FGF14: variants seen among roughly 807,000 people sequenced by gnomAD.
FGF14 encodes the protein fibroblast growth factor 14.
In FGF14, 5 loss-of-function variants were observed where a neutral mutation model predicts 25.5. The ratio of observed to expected loss-of-function variants is 0.20; its 90% CI spans 0.10 to 0.41. The LOEUF (loss-of-function observed/expected upper bound fraction) is 0.41. Among genes scored for constraint, FGF14 ranks in the 10% least tolerant of loss-of-function variants. FGF14 has a pLI of 1.00. For missense variants in FGF14, 222 were observed against 320.1 expected, an observed-to-expected ratio of 0.69 and a Z score of 2.34; for synonymous variants, 138 against 118.3, an observed-to-expected ratio of 1.17 and a Z score of -1.08.
chr13:101,731,499 C>G (rs1275630707), intron 3 of FGF14, among the ~76,000 whole-genome samples: 2 of 152,104 alleles, frequency 1.3e-5, no homozygotes, highest in East Asian at 3.9e-4. Flanking sequence ...AATGTTATAT[C>G]TTTTTTATGT....
intron 1 of FGF14, among the ~76,000 whole-genome samples, chr13:102,336,586 C>G (rs1577693): frequency 0.76 from 115,017 of 152,166 alleles, 44,537 homozygotes; most frequent in African/African-American, 0.93. Context: ...CATTGATGAA[C>G]GTGTCTACAC....
intron 1 of FGF14, among the ~76,000 whole-genome samples, chr13:102,123,664 A>G (rs1725955290): frequency 6.6e-6 from 1 of 152,080 alleles, no homozygotes; most frequent in African/African-American, 2.4e-5. Flanking sequence ...ATTGCTCTAC[A>G]TCTTCAAAGT....
At chr13:101,729,570 TAAAA>T (rs2035671303) in intron 3 of FGF14, among the ~76,000 whole-genome samples, 1 of 152,154 alleles carries the variant, frequency 6.6e-6, no homozygotes, top group South Asian at 2.1e-4. Flanking sequence ...TCCTCATCTC[TAAAA>T]TGAGGACAAA....
At chr13:101,973,119 C>CATTTTTTTTTTTTTTTTTTTTTTTTTT in intron 1 of FGF14, among the ~76,000 whole-genome samples, 1 of 127,508 alleles carries the variant, frequency 7.8e-6, no homozygotes, top group Non-Finnish European at 1.7e-5. Flanking sequence ...AAGTGTGCTT[C>CATTTTTTTTTTTTTTTTTTTTTTTTTT]TTTTTTTTTT....
intron 1 of FGF14, among the ~76,000 whole-genome samples, chr13:102,158,341 TA>T (rs2047447603): frequency 6.6e-6 from 1 of 152,098 alleles, no homozygotes; most frequent in Non-Finnish European, 1.5e-5. Context: ...TATGCAGCCA[TA>T]AAAAATGATG....
chr13:102,058,681 A>T (rs1416209133), intron 1 of FGF14, among the ~76,000 whole-genome samples: 2 of 152,208 alleles, frequency 1.3e-5, no homozygotes, highest in East Asian at 1.9e-4. Context: ...AAATAAGATA[A>T]TGCAATACCT....
At position 101,869,337 on chromosome 13, in the gene FGF14, C is replaced by G. The variant is rs539087224; in HGVS notation, c.305-509G>C. Among the ~76,000 whole-genome samples the G allele has an allele frequency of 1.8e-4, 28 of 152,270 alleles. 1 individual carries two copies. The South Asian group carries it at 3.3e-3, about 18-fold the overall frequency. On this transcript the variant is annotated intron_variant, in intron 2 of 4. Coordinates refer to ENST00000376143, the MANE Select transcript of FGF14 (RefSeq NM_004115.4). ...CAGCGAAGCCAGGAAAAGATGTGCA[C>G]CTGCCAAGGAGCTAAATTTAGAAAG...
At chr13:101,843,413 T>TG (rs1319841662) in intron 3 of FGF14, among the ~76,000 whole-genome samples, 1 of 151,954 alleles carries the variant, frequency 6.6e-6, no homozygotes, top group Admixed American at 6.6e-5. Context: ...AGTCTGACAG[T>TG]GGGGGGCAGG....
chr13:102,087,087 C>A (rs1595225662), intron 1 of FGF14, among the ~76,000 whole-genome samples: 1 of 152,124 alleles, frequency 6.6e-6, no homozygotes, highest in South Asian at 2.1e-4. Flanking sequence ...ACACAGAGAT[C>A]CAAAAATAAT....
At chr13:101,812,035 A>G (rs1472041134) in intron 3 of FGF14, among the ~76,000 whole-genome samples, 10 of 152,184 alleles carry the variant, frequency 6.6e-5, no homozygotes, top group Non-Finnish European at 1.5e-4. Context: ...AAACTGTCAT[A>G]TCTGATTTCA....
intron 1 of FGF14, among the ~76,000 whole-genome samples, chr13:102,080,775 T>C (rs758160015): frequency 4.6e-5 from 7 of 152,218 alleles, no homozygotes; most frequent in Non-Finnish European, 1.0e-4. Flanking sequence ...TCATGTTCTG[T>C]GGGAATAATC....
chr13:102,325,601 A>T (rs2056399489), intron 1 of FGF14, among the ~76,000 whole-genome samples: 1 of 152,164 alleles, frequency 6.6e-6, no homozygotes, highest in Non-Finnish European at 1.5e-5. Context: ...TTCCTTCAAG[A>T]GGCCTGCACT....
At chr13:101,887,309 A>G (rs1477697849) in intron 1 of FGF14, among the ~76,000 whole-genome samples, 2 of 147,236 alleles carry the variant, frequency 1.4e-5, no homozygotes, top group Admixed American at 7.0e-5. Flanking sequence ...TGATGTAAAT[A>G]TATTTCATAT....
intron 3 of FGF14, among the ~76,000 whole-genome samples, chr13:101,827,727 T>C (rs956458236): frequency 6.6e-6 from 1 of 151,898 alleles, no homozygotes; most frequent in Non-Finnish European, 1.5e-5. Flanking sequence ...AAACCACAAT[T>C]ATGAAACATT....
intron 1 of FGF14, among the ~76,000 whole-genome samples, chr13:102,341,585 C>T (rs1264104733): frequency 6.6e-6 from 1 of 152,158 alleles, no homozygotes; most frequent in Non-Finnish European, 1.5e-5. Flanking sequence ...AGCAGGAAGG[C>T]TGACAAAGCT....
intron 1 of FGF14, among the ~76,000 whole-genome samples, chr13:102,009,833 T>C (rs1027922071): frequency 6.6e-6 from 1 of 152,126 alleles, no homozygotes; most frequent in Non-Finnish European, 1.5e-5. Flanking sequence ...TCTTTTCCTC[T>C]CCTTCCCCAA....
intron 3 of FGF14, among the ~76,000 whole-genome samples, chr13:101,785,052 G>T (rs748161962): frequency 1.7e-4 from 26 of 151,956 alleles, no homozygotes; most frequent in Non-Finnish European, 3.8e-4. Context: ...ATGTGTTCAG[G>T]GTCTCACATT....
At chr13:101,809,235 A>T (rs2140171919) in intron 3 of FGF14, among the ~76,000 whole-genome samples, 1 of 152,278 alleles carries the variant, frequency 6.6e-6, no homozygotes, top group African/African-American at 2.4e-5. Context: ...AAATTACTTT[A>T]TGTAGAGAAA....
chr13:101,725,970 C>T (rs1396738254), intron 4 of FGF14, among the ~76,000 whole-genome samples: 1 of 151,922 alleles, frequency 6.6e-6, no homozygotes, highest in Non-Finnish European at 1.5e-5. Flanking sequence ...ATTCATCCGG[C>T]ATGGATGACT....
Sources: gnomAD v4.1 joint callset for allele counts (sites outside exome capture counted in the v4.1 genomes callset) on GRCh38, gnomAD v4.1.1 for gene constraint, MANE v1.5 for transcripts, NCBI Gene and HGNC (gene_info 2026-07-23, HGNC 2026-07-21) for gene names.